The following SNTG2 variants were observed in gnomAD, a reference collection of about 807,000 sequenced individuals.
The protein encoded by SNTG2 is syntrophin gamma 2.
In SNTG2, 74 loss-of-function variants were observed where a neutral mutation model predicts 70.9. That is an observed-to-expected ratio of 1.04 (90% CI 0.86 to 1.27). The LOEUF is 1.27. Among genes scored for constraint, SNTG2 ranks in the 50% most tolerant of loss-of-function variants. SNTG2 has a pLI of 0.00. For synonymous variants in SNTG2, 278 were observed against 273.8 expected, an observed-to-expected ratio of 1.02 and a Z score of -0.15; for missense variants, 717 against 690.7, an observed-to-expected ratio of 1.04 and a Z score of -0.43.
At chr2:1,284,720 T>A (rs1679697662) in intron 14 of SNTG2, among the ~76,000 whole-genome samples, 1 of 152,194 alleles carries the variant, frequency 6.6e-6, no homozygotes, top group South Asian at 2.1e-4. Flanking sequence ...AAAGCTGACG[T>A]CAACTAAATC....
intron 1 of SNTG2, among the ~76,000 whole-genome samples, chr2:1,080,572 G>A (rs542679957): frequency 6.6e-6 from 1 of 151,570 alleles, no homozygotes; most frequent in East Asian, 1.9e-4. Flanking sequence ...GTGTGCATGA[G>A]TGTTTGGGCA....
At chr2:1,320,699 A>T (rs1410787565) in intron 16 of SNTG2, among the ~76,000 whole-genome samples, 2 of 148,556 alleles carry the variant, frequency 1.3e-5, no homozygotes, top group African/African-American at 5.1e-5. Flanking sequence ...TTTTTCCTTT[A>T]AAAAAAAAGA....
intron 1 of SNTG2, among the ~76,000 whole-genome samples, chr2:982,545 A>G (rs1661140586): frequency 6.6e-6 from 1 of 152,216 alleles, no homozygotes; most frequent in African/African-American, 2.4e-5. Context: ...AGTAGTTAGT[A>G]ATGCACTAAT....
chr2:1,005,052 A>G (rs76621838), intron 1 of SNTG2, among the ~76,000 whole-genome samples: 9,701 of 152,324 alleles, frequency 0.064, 393 homozygotes, highest in Admixed American at 0.096. Context: ...GGAAATTTAC[A>G]TGCAAATTAC....
rs577417262 is a variant in SNTG2 at position 1,077,945 on chromosome 2, G to A, written c.73-5573G>A. Among the ~76,000 whole-genome samples the A allele has an allele frequency of 3.3e-5, 5 of 152,210 alleles. No individual in the cohort carries two copies. In the South Asian group the frequency reaches 1.0e-3, roughly 32 times the overall value. On this transcript the variant is annotated intron_variant, in intron 1 of 16. Transcript: ENST00000308624. ...CTCCTGGTGCTGACGCGGGTTCACG[G>A]CCCTCACTGTTTTGCGGCTGCTGTG...
chr2:1,114,681 G>A (rs1023047614), intron 4 of SNTG2, among the ~76,000 whole-genome samples: 2 of 152,024 alleles, frequency 1.3e-5, no homozygotes, highest in South Asian at 2.1e-4. Flanking sequence ...ACAGTCCTTT[G>A]AGAAGGATCG....
intron 13 of SNTG2, among the ~76,000 whole-genome samples, chr2:1,265,846 T>G (rs960674813): frequency 5.9e-5 from 9 of 152,180 alleles, no homozygotes; most frequent in African/African-American, 2.2e-4. Flanking sequence ...GGGCTGTGGG[T>G]GAACACCACA....
At chr2:1,258,655 C>A (rs1678252559) in intron 12 of SNTG2, among the ~76,000 whole-genome samples, 1 of 152,112 alleles carries the variant, frequency 6.6e-6, no homozygotes, top group Non-Finnish European at 1.5e-5. Flanking sequence ...GCAGGGTCAA[C>A]AATAAAAAAC....
intron 6 of SNTG2, among the ~76,000 whole-genome samples, chr2:1,157,826 G>T (rs1341831715): frequency 1.3e-5 from 2 of 152,168 alleles, no homozygotes; most frequent in African/African-American, 4.8e-5. Context: ...CGGGTGATAT[G>T]AGCCCAGCAC....
chr2:1,249,276 TTTTCATCTTAGCAACACATTGAACAGA>T (rs1241734919), intron 12 of SNTG2, among the ~76,000 whole-genome samples: 9 of 152,236 alleles, frequency 5.9e-5, no homozygotes, highest in African/African-American at 2.2e-4. Context: ...AAAATAGGTA[TTTTCATCTTAGCAACACATTGAACAGA>T]CACATTCACT....
chr2:1,050,993 C>T (rs1662023973), intron 1 of SNTG2, among the ~76,000 whole-genome samples: 1 of 152,176 alleles, frequency 6.6e-6, no homozygotes, highest in Admixed American at 6.5e-5. Flanking sequence ...AAAATATTGA[C>T]ATAATAAACT....
chr2:1,100,098 G>A (rs886204618), intron 4 of SNTG2, among the ~76,000 whole-genome samples: 3 of 152,042 alleles, frequency 2.0e-5, no homozygotes, highest in Non-Finnish European at 2.9e-5. Context: ...CCAAGATGGC[G>A]GGAAAAGTGA....
At chr2:1,249,160 C>T (rs1677613941) in intron 12 of SNTG2, among the ~76,000 whole-genome samples, 1 of 152,150 alleles carries the variant, frequency 6.6e-6, no homozygotes, top group Admixed American at 6.5e-5. Context: ...ACTGAAGGCC[C>T]CTCATTTTAG....
rs1675093374 is a variant in SNTG2, at chr2:1,222,017, CTCTG to C, written c.719+12791_719+12794del. Among the ~76,000 whole-genome samples the C allele has an allele frequency of 2.4e-5, 2 of 82,196 alleles. 1 individual carries two copies. The highest frequency in any genetic ancestry group is 2.6e-4 in the Admixed American group (2 of 7,770). The allele number at this position is 82,196 out of a possible 152,430, so 53.9% of individuals were successfully genotyped here. A position where few individuals can be genotyped will look rare whatever the true frequency, so the allele number is the denominator to read the frequency against. ...TCTGTCTCTGTCTCTCTCTGTCTCT[CTCTG>C]TCTCTGCCTATCTCTGTCTCTCTCT... On this transcript the variant is annotated intron_variant, in intron 9 of 16. Coordinates refer to ENST00000308624, the MANE Select transcript of SNTG2 (RefSeq NM_018968.4).
At chr2:965,526 G>A (rs768487084) in intron 1 of SNTG2, among the ~76,000 whole-genome samples, 3 of 150,338 alleles carry the variant, frequency 2.0e-5, no homozygotes, top group African/African-American at 7.4e-5. Context: ...CCTCCTCCTG[G>A]CCTCTCGGTC....
chr2:1,059,729 T>G (rs1470095166), intron 1 of SNTG2, among the ~76,000 whole-genome samples: 1 of 152,178 alleles, frequency 6.6e-6, no homozygotes, highest in Non-Finnish European at 1.5e-5. Context: ...TTCTTAAAAT[T>G]TAATCTTTAC....
At chr2:1,074,502 C>T (rs1234438213) in intron 1 of SNTG2, among the ~76,000 whole-genome samples, 2 of 152,034 alleles carry the variant, frequency 1.3e-5, no homozygotes, top group Non-Finnish European at 2.9e-5. Context: ...GGAGAATTTT[C>T]CTAAGTTTTG....
intron 1 of SNTG2, among the ~76,000 whole-genome samples, chr2:1,072,116 T>C (rs113855184): frequency 6.6e-6 from 1 of 152,160 alleles, no homozygotes; most frequent in African/African-American, 2.4e-5. Context: ...GCTAAGATCA[T>C]TGATGAGGGT....
chr2:1,142,648 G>A (rs77986847), intron 6 of SNTG2, among the ~76,000 whole-genome samples: 18,048 of 152,232 alleles, frequency 0.12, 1,674 homozygotes, highest in East Asian at 0.43. Flanking sequence ...TGGCCACTGT[G>A]AGTCCTGATG....
Sources: allele counts gnomAD v4.1 joint callset (sites outside exome capture counted in the v4.1 genomes callset), GRCh38; gene constraint gnomAD v4.1.1; transcripts MANE v1.5; gene names NCBI Gene and HGNC (gene_info 2026-07-23, HGNC 2026-07-21).